Variants in FAM81A observed in about 807,000 individuals in gnomAD.
The protein encoded by FAM81A is protein FAM81A.
A neutral mutation model predicts 46.7 loss-of-function variants in FAM81A; 19 were observed. The observed-to-expected ratio is 0.41, with a 90% confidence interval of 0.28 to 0.60. The LOEUF (loss-of-function observed/expected upper bound fraction) is 0.60, where lower values mean the gene tolerates loss of function less well. Ranked by LOEUF, FAM81A falls within the 20% of genes least tolerant of loss-of-function variation. The pLI, the probability that FAM81A is intolerant of heterozygous loss-of-function variation, is 0.34. For synonymous variants in FAM81A, 183 were observed against 152.9 expected (o/e 1.20, Z -1.45); for missense variants, 377 against 453.5 (o/e 0.83, Z 1.53).
intron 2 of FAM81A, among the ~76,000 whole-genome samples, chr15:59,428,063 C>G (rs181640158): frequency 2.0e-5 from 3 of 152,140 alleles, no homozygotes; most frequent in Non-Finnish European, 4.4e-5. Flanking sequence ...TCTTTGCCAG[C>G]GTTTGTTATT....
upstream of FAM81A, among the ~76,000 whole-genome samples, chr15:59,437,241 C>T (rs1436863308): frequency 6.6e-6 from 1 of 152,092 alleles, no homozygotes; most frequent in East Asian, 1.9e-4. Flanking sequence ...GGGCTCCTTC[C>T]CCTGGGTTGG....
intron 7 of FAM81A, among the ~76,000 whole-genome samples, chr15:59,516,221 G>T (rs541067340): frequency 6.7e-6 from 1 of 150,032 alleles, no homozygotes; most frequent in Non-Finnish European, 1.5e-5. Flanking sequence ...CGCCTCCCCT[G>T]TTCAAGTGAT....
chr15:59,443,624 A>C (rs562830382), intron 1 of FAM81A, among the ~76,000 whole-genome samples: 3 of 152,218 alleles, frequency 2.0e-5, no homozygotes, highest in Admixed American at 2.0e-4. Context: ...GCATTCCTTG[A>C]TGACGTTAGT....
chr15:59,419,000 A>G (rs1426000617), intron 2 of FAM81A, among the ~76,000 whole-genome samples: 1 of 152,248 alleles, frequency 6.6e-6, no homozygotes, highest in African/African-American at 2.4e-5. Flanking sequence ...TCTTAGGCAG[A>G]AGACTGATTC....
intron 2 of FAM81A, among the ~76,000 whole-genome samples, chr15:59,428,495 A>T (rs529233240): frequency 2.0e-5 from 3 of 150,322 alleles, no homozygotes; most frequent in African/African-American, 7.3e-5. Context: ...GGCTGGTCTC[A>T]AATTCCTGGG....
intron 5 of FAM81A, among the ~76,000 whole-genome samples, chr15:59,507,821 C>A (rs1300778707): frequency 6.6e-6 from 1 of 152,214 alleles, no homozygotes; most frequent in Non-Finnish European, 1.5e-5. Context: ...TATTTGACCT[C>A]AAACGTCACA....
At chr15:59,417,919 C>T (rs1194935233) in intron 2 of FAM81A, among the ~76,000 whole-genome samples, 2 of 152,082 alleles carry the variant, frequency 1.3e-5, no homozygotes, top group African/African-American at 4.8e-5. Context: ...TATCCCTCCT[C>T]CCTCCCCACA....
chr15:59,505,869 A>G (rs1447157774), intron 4 of FAM81A, among the ~76,000 whole-genome samples: 1 of 152,220 alleles, frequency 6.6e-6, no homozygotes, highest in African/African-American at 2.4e-5. Flanking sequence ...TTTCCTTGTC[A>G]CTAATCCTCC....
At chr15:59,516,515 T>G in intron 7 of FAM81A, 130 bp from the exon 8 acceptor site, 1 of 846,716 alleles carries the variant, frequency 1.2e-6, no homozygotes, top group Non-Finnish European at 1.8e-6. Flanking sequence ...ACGGATATTA[T>G]GGTGGGCAAC....
chr15:59,516,289 C>G (rs1197136260), intron 7 of FAM81A, among the ~76,000 whole-genome samples: 5 of 152,100 alleles, frequency 3.3e-5, no homozygotes, highest in Non-Finnish European at 7.4e-5. Flanking sequence ...CCATCCATCC[C>G]TGGCTAATTT....
At chr15:59,508,268 C>T (rs1007015332) in intron 5 of FAM81A, among the ~76,000 whole-genome samples, 16 of 152,144 alleles carry the variant, frequency 1.1e-4, no homozygotes, top group African/African-American at 3.9e-4. Flanking sequence ...TCTTCTGGAT[C>T]TGACAAATAC....
At chr15:59,417,381 A>AAAAC (rs150728195) in intron 2 of FAM81A, among the ~76,000 whole-genome samples, 31,545 of 151,184 alleles carry the variant, frequency 0.21, 3,562 homozygotes, top group South Asian at 0.33. Context: ...TAGCTATTTA[A>AAAAC]AAACAAACAA....
intron 4 of FAM81A, among the ~76,000 whole-genome samples, chr15:59,498,706 T>A (rs1170975648): frequency 6.6e-6 from 1 of 152,160 alleles, no homozygotes; most frequent in Non-Finnish European, 1.5e-5. Flanking sequence ...CAAGCTACAG[T>A]GAAGAGGTGC....
chr15:59,402,334 A>C (rs560696578), exon 2 of FAM81A: 13 of 154,666 alleles, frequency 8.4e-5, no homozygotes, highest in African/African-American at 3.1e-4. Flanking sequence ...GACCTTAGGA[A>C]AGCTGCCTGC....
At chr15:59,511,355 G>C (rs2082206095) in intron 6 of FAM81A, among the ~76,000 whole-genome samples, 1 of 152,182 alleles carries the variant, frequency 6.6e-6, no homozygotes, top group African/African-American at 2.4e-5. Flanking sequence ...TTTAGACTTT[G>C]ATAAATTAAA....
intron 1 of FAM81A, among the ~76,000 whole-genome samples, chr15:59,453,269 C>T (rs76717210): frequency 0.038 from 5,748 of 152,272 alleles, 132 homozygotes; most frequent in South Asian, 0.05. Flanking sequence ...TGCTCTACTG[C>T]TTCTTGGCCA....
At chr15:59,491,972 AAAAG>A (rs2081986192) in intron 3 of FAM81A, among the ~76,000 whole-genome samples, 1 of 128,538 alleles carries the variant, frequency 7.8e-6, no homozygotes, top group African/African-American at 3.2e-5. Context: ...TCTCAAAAAA[AAAAG>A]AAAAAAGAAA....
At chr15:59,400,459 C>A (rs1473348081) in intron 1 of FAM81A, among the ~76,000 whole-genome samples, 1 of 152,108 alleles carries the variant, frequency 6.6e-6, no homozygotes, top group Non-Finnish European at 1.5e-5. Flanking sequence ...CCGGCTCAGA[C>A]CCCCCTACCC....
At chr15:59,411,374 T>A (rs1373739966) in intron 2 of FAM81A, among the ~76,000 whole-genome samples, 1 of 152,120 alleles carries the variant, frequency 6.6e-6, no homozygotes, top group Non-Finnish European at 1.5e-5. Flanking sequence ...TATATATGCA[T>A]CTTCCAATAG....
Sources: allele counts gnomAD v4.1 joint callset (sites outside exome capture counted in the v4.1 genomes callset), GRCh38; gene constraint gnomAD v4.1.1; transcripts MANE v1.5; gene names NCBI Gene and HGNC (gene_info 2026-07-23, HGNC 2026-07-21).